SAMD3: variants seen among roughly 807,000 people sequenced by gnomAD.
The protein encoded by SAMD3 is sterile alpha motif domain containing 3, also known as sterile alpha motif domain-containing protein 3.
Under a neutral mutation model 58.5 loss-of-function variants are expected in SAMD3, and 63 were observed. That is an observed-to-expected ratio of 1.08 (90% CI 0.88 to 1.33). The LOEUF (loss-of-function observed/expected upper bound fraction) is 1.33. Ranked by LOEUF, SAMD3 falls within the 40% of genes most tolerant of loss-of-function variation. SAMD3 has a pLI of 0.00. For synonymous variants in SAMD3, 220 were observed against 210.3 expected (o/e 1.05, Z -0.40); for missense variants, 604 against 608.4 (o/e 0.99, Z 0.08).
chr6:130,235,804 G>A (rs1198005792), intron 2 of SAMD3, among the ~76,000 whole-genome samples: 1 of 152,140 alleles, frequency 6.6e-6, no homozygotes, highest in South Asian at 2.1e-4. Flanking sequence ...TAAGTATAAT[G>A]AGAATAACAA....
At chr6:130,193,748 A>C (rs1793794921) in intron 5 of SAMD3, among the ~76,000 whole-genome samples, 1 of 152,230 alleles carries the variant, frequency 6.6e-6, no homozygotes, top group African/African-American at 2.4e-5. Context: ...CCAAATAGCC[A>C]GAAAATGGCA....
intron 7 of SAMD3, among the ~76,000 whole-genome samples, chr6:130,181,258 A>G (rs1474441194): frequency 6.6e-6 from 1 of 152,122 alleles, no homozygotes; most frequent in African/African-American, 2.4e-5. Context: ...CAAATTTTTC[A>G]AAATTAAGAG....
intron 9 of SAMD3, among the ~76,000 whole-genome samples, chr6:130,154,340 T>C (rs1345258860): frequency 6.6e-6 from 1 of 151,824 alleles, no homozygotes; most frequent in Non-Finnish European, 1.5e-5. Context: ...TTGCAGCCTT[T>C]GGGCCTCACA....
rs562678603 is a variant in SAMD3 at position 130,221,105 on chromosome 6, T to C, written c.-68+1589A>G. Among the ~76,000 whole-genome samples, 381 of 152,024 alleles carry C rather than the reference T, an allele frequency of 2.5e-3. 1 individual carries two copies. Among genetic ancestry groups the C allele is most frequent in the Middle Eastern group, 0.017 (5 of 294 alleles). On this transcript the variant is annotated intron_variant, in intron 1 of 11. Transcript: ENST00000439090. ...TCCTGACCTTGTGATCTGCCCACCT[T>C]GGCCTCCCAAAGTGCTGGGATTACA...
At position 130,153,692 on chromosome 6, in the gene SAMD3, T is replaced by C. The variant is rs1789456575; in HGVS notation, c.1023+1133A>G. On this transcript the variant is annotated intron_variant, in intron 9 of 11. Transcript: ENST00000439090. ...TATTTATTTATTTATTTTTTAAAAT[T>C]TGAGACAGGGTCTCACTGTGTCACC... Among the ~76,000 whole-genome samples the C allele has an allele frequency of 2.4e-5, 3 of 126,268 alleles. 1 individual carries two copies. The South Asian group carries it at 8.4e-4, about 35-fold the overall frequency. The allele number at this position is 126,268 out of a possible 152,430, so 82.8% of individuals were successfully genotyped here. A position where few individuals can be genotyped will look rare whatever the true frequency, so the allele number is the denominator to read the frequency against.
At chr6:130,158,871 A>T (rs1790033532) in intron 8 of SAMD3, among the ~76,000 whole-genome samples, 1 of 152,160 alleles carries the variant, frequency 6.6e-6, no homozygotes, top group Non-Finnish European at 1.5e-5. Flanking sequence ...GACCAGTCTG[A>T]TTGGTTGTGG....
intron 2 of SAMD3, among the ~76,000 whole-genome samples, chr6:130,254,445 C>T (rs1284147828): frequency 6.6e-6 from 1 of 152,094 alleles, no homozygotes; most frequent in Non-Finnish European, 1.5e-5. Flanking sequence ...ATCCACCCAC[C>T]TCAGCCTCCT....
In SAMD3 at chr6:130,306,388, T is replaced by TA. The variant is rs1178132609; in HGVS notation, c.-188+6589dup. Among the ~76,000 whole-genome samples the TA allele has an allele frequency of 4.6e-5, 7 of 152,120 alleles. 1 individual carries two copies. The South Asian group carries it at 8.3e-4, about 18-fold the overall frequency. On this transcript the variant is annotated intron_variant, in intron 2 of 13. Transcript: ENST00000368134. ...TTACCCAATGAAGGTAAATGAGGGTTAGAGAAGCAAAAGAAAAATGATATT... is the reference window on the plus strand; with the variant it reads ...TTACCCAATGAAGGTAAATGAGGGTTAAGAGAAGCAAAAGAAAAATGATATT...
rs939752448 is a variant in SAMD3, at chr6:130,222,854, G to C, written c.-228C>G. 6.6e-6 allele frequency: 1 copy of C among 152,112 alleles called. No homozygotes were observed. Among genetic ancestry groups the C allele is most frequent in the Non-Finnish European group, 1.5e-5 (1 of 68,026 alleles). 9.4% of individuals were successfully genotyped at this position (152,112 alleles called of 1,614,324 possible). On this transcript the variant is annotated 5_prime_UTR_variant, in exon 1 of 12. Transcript: ENST00000439090. ...TATCACCTACAAATCTGGAATCTTG[G>C]TTTCTCTTGAAAAATCAAAAGTTCT...
Position 130,144,584 on chromosome 6 carries a change from C to T in SAMD3, c.1499G>A (p.Ser500Asn). ...TTCTTTCAAAGAAGGAAAATAAGGA[C>T]TGTGCATATCGAAAATCAGCGTTTC... ...FLETLIFDMH[S>N]PYFPSLKEKE... The change falls in exon 12 of 12, where the codon AGT becomes AAT. Residue 500 changes from serine to asparagine, a missense_variant. Physicochemically the swap from Ser to Asn is conservative, Grantham distance 46. Coordinates refer to ENST00000439090, the MANE Select transcript of SAMD3 (RefSeq NM_001017373.4). 6.2e-7 allele frequency: 1 copy of T among 1,614,122 alleles called. No individual in the cohort carries two copies. The highest frequency in any genetic ancestry group is 2.2e-5 in the East Asian group (1 of 44,850).
intron 8 of SAMD3, among the ~76,000 whole-genome samples, chr6:130,163,431 C>A (rs1364351480): frequency 6.6e-6 from 1 of 152,162 alleles, no homozygotes; most frequent in Non-Finnish European, 1.5e-5. Flanking sequence ...AAATGATGTA[C>A]CCCCTATGGA....
At chr6:130,179,140 C>T (rs1792027594) in intron 7 of SAMD3, among the ~76,000 whole-genome samples, 1 of 152,120 alleles carries the variant, frequency 6.6e-6, no homozygotes, top group African/African-American at 2.4e-5. Context: ...TTGCCAATTT[C>T]TTCTTTCTAG....
At chr6:130,279,006 T>C (rs1242349545) in intron 2 of SAMD3, among the ~76,000 whole-genome samples, 2 of 152,164 alleles carry the variant, frequency 1.3e-5, no homozygotes, top group African/African-American at 2.4e-5. Context: ...TAGAATCAAG[T>C]TGGATCTGAA....
chr6:130,230,380 C>T (rs888438506), intron 2 of SAMD3, among the ~76,000 whole-genome samples: 7 of 151,950 alleles, frequency 4.6e-5, no homozygotes, highest in African/African-American at 1.5e-4. Flanking sequence ...GTTCGCCTCT[C>T]CTTCTTCTTC....
Position 130,274,720 on chromosome 6 carries a change from G to T in SAMD3, c.-188+38258C>A, listed in dbSNP as rs1025410458. 5.3e-5 allele frequency among the ~76,000 whole-genome samples: 8 copies of T among 151,414 alleles called. No individual in the cohort carries two copies. The East Asian group carries it at 1.4e-3, about 26-fold the overall frequency. On this transcript the variant is annotated intron_variant, in intron 2 of 13. Coordinates refer to the SAMD3 transcript ENST00000368134. ...ACTGCAACTTCTTAATTGGAATCTG[G>T]AGTTCTGATAAAGGCAGTTTGGCCT...
intron 1 of SAMD3, among the ~76,000 whole-genome samples, chr6:130,315,755 G>T (rs1195336244): frequency 6.6e-6 from 1 of 151,888 alleles, no homozygotes; most frequent in Admixed American, 6.6e-5. Context: ...AATATAAAAT[G>T]ATTTTTTAAA....
At chr6:130,159,465 G>T (rs948127528) in intron 8 of SAMD3, 2 of 152,254 alleles carry the variant, frequency 1.3e-5, no homozygotes, top group African/African-American at 4.8e-5. Context: ...ACAGAGGCGG[G>T]TGGGAGATTG....
chr6:130,274,742 G>A (rs544061762), intron 2 of SAMD3, among the ~76,000 whole-genome samples: 1 of 145,490 alleles, frequency 6.9e-6, no homozygotes, highest in South Asian at 2.3e-4. Context: ...AGGCAGTTTG[G>A]CCTAAATATC....
intron 2 of SAMD3, among the ~76,000 whole-genome samples, chr6:130,234,457 C>T (rs1341929005): frequency 6.6e-6 from 1 of 152,066 alleles, no homozygotes; most frequent in Non-Finnish European, 1.5e-5. Flanking sequence ...CAATATGATA[C>T]ATTTTGACAC....
Sources: allele counts gnomAD v4.1 joint callset (sites outside exome capture counted in the v4.1 genomes callset), GRCh38; gene constraint gnomAD v4.1.1; transcripts MANE v1.5; gene names NCBI Gene and HGNC (gene_info 2026-07-23, HGNC 2026-07-21).